Variants in RBBP8NL observed in about 807,000 individuals in gnomAD.
RBBP8NL encodes the protein RBBP8 N-terminal like, also known as RBBP8 N-terminal-like protein.
In RBBP8NL, 59 loss-of-function variants were observed where a neutral mutation model predicts 62.2. The observed-to-expected ratio is 0.95, with a 90% CI of 0.77 to 1.18. RBBP8NL has a LOEUF of 1.18. RBBP8NL is among the 50% of genes most tolerant of loss of function. The probability of loss-of-function intolerance (pLI) is 0.00; values close to 1 mark genes in which losing one functional copy is unlikely to be tolerated. For synonymous variants in RBBP8NL, 412 were observed against 394.1 expected (o/e 1.05, Z -0.54); for missense variants, 896 against 899.5 (o/e 1.00, Z 0.05).
chr20:62,422,159 G>A (rs1399123119), intron 1 of RBBP8NL, among the ~76,000 whole-genome samples: 1 of 152,220 alleles, frequency 6.6e-6, no homozygotes, highest in African/African-American at 2.4e-5. Context: ...CCATGCCCAA[G>A]GCCTCGCCAC....
In RBBP8NL at chr20:62,412,673, C is replaced by G; in HGVS notation, c.1827G>C (p.Gly609=). ...GCTTCCTCTTCCGTGGTGGACCCTG[C>G]CCGTGCTCCTGGGTGCAGATGCACT... ...GPECICTQEH[G]QGPPRKRKRA... Residue 609 remains glycine (G), a synonymous_variant, in exon 13 of 14, where the codon GGG becomes GGC. Coordinates refer to ENST00000252998, the MANE Select transcript of RBBP8NL (RefSeq NM_080833.3). 1.2e-6 allele frequency: 2 copies of G among 1,608,398 alleles called. No homozygotes were observed. The highest frequency in any genetic ancestry group is 1.7e-6 in the Non-Finnish European group (2 of 1,179,926).
chr20:62,423,246 G>A (rs182363122), intron 1 of RBBP8NL, among the ~76,000 whole-genome samples: 150 of 152,296 alleles, frequency 9.8e-4, no homozygotes, highest in African/African-American at 3.4e-3. Context: ...GGAAACTGAG[G>A]CTCAAACAGA....
At position 62,412,729 on chromosome 20, in the gene RBBP8NL, C is replaced by T; in HGVS notation, c.1771G>A (p.Ala591Thr). The stretch of plus-strand genomic sequence containing the variant: ...CCCTCCCCGGTCGTGCTCGTAGTGG[C>T]CTCCGCCTGGGAGCTCAGGCCCACC... ...SEVGLSSQAEATTSTTGEGPE... is the reference protein window; with the variant it reads ...SEVGLSSQAETTTSTTGEGPE... The change falls in exon 13 of 14, where the codon GCC (alanine) becomes ACC (threonine). Residue 591 changes from alanine (A) to threonine (T), a missense_variant. Coordinates refer to ENST00000252998, the MANE Select transcript of RBBP8NL (RefSeq NM_080833.3). 6.2e-7 allele frequency: 1 copy of T among 1,611,716 alleles called. No homozygotes were observed. The highest frequency in any genetic ancestry group is 8.5e-7 in the Non-Finnish European group (1 of 1,179,966).
intron 3 of RBBP8NL, 94 bp from the exon 4 acceptor site, chr20:62,417,413 C>T: frequency 1.0e-6 from 1 of 970,304 alleles, no homozygotes. Context: ...CGCGATTCGG[C>T]ACCTGCAGCC....
intron 2 of RBBP8NL, 99 bp from the exon 3 acceptor site, chr20:62,418,564 C>T (rs1988632230): frequency 8.3e-7 from 1 of 1,206,856 alleles, no homozygotes; most frequent in Admixed American, 2.0e-5. Context: ...ATGTGGCACT[C>T]CTGTCCCCTG....
In RBBP8NL at chr20:62,414,028, G is replaced by C; in HGVS notation, c.1323C>G (p.Pro441=). 1 of 1,589,440 alleles carries C rather than the reference G, an allele frequency of 6.3e-7. No individual in the cohort carries two copies. The highest frequency in any genetic ancestry group is 2.3e-5 in the East Asian group (1 of 43,708). ...AATQDCALDK[P]LDLSEWGRAR... is the part of the protein sequence containing the mutation. ...CCCGGCCCCACTCCGAGAGGTCCAGGGGCTTGTCTAGGGCACAGTCCTGCG... is the reference window on the plus strand; with the variant it reads ...CCCGGCCCCACTCCGAGAGGTCCAGCGGCTTGTCTAGGGCACAGTCCTGCG... The change falls in exon 10 of 14, where the codon CCC becomes CCG. Residue 441 remains proline (P), a synonymous_variant. Transcript: ENST00000252998.
chr20:62,420,375 C>CACACACAT (rs1569026768), intron 1 of RBBP8NL, among the ~76,000 whole-genome samples: 2 of 150,446 alleles, frequency 1.3e-5, no homozygotes, highest in African/African-American at 2.5e-5. Flanking sequence ...CACACACACA[C>CACACACAT]ACACACACAC....
intron 3 of RBBP8NL, 38 bp downstream of exon 3, chr20:62,418,385 G>A (rs1450173610): frequency 1.9e-6 from 3 of 1,543,174 alleles, no homozygotes; most frequent in Non-Finnish European, 2.6e-6. Context: ...TGGCCAGTGT[G>A]GTCCCTGTGA....
At position 62,414,009 on chromosome 20, in the gene RBBP8NL, C is replaced by A; in HGVS notation, c.1342G>T (p.Gly448Cys). The stretch of plus-strand genomic sequence containing the variant: ...GGAGTGTCCTGGCCCCGGGCCCGGC[C>A]CCACTCCGAGAGGTCCAGGGGCTTG... ...LDKPLDLSEW[G>C]RARGQDTPKP... The change falls in exon 10 of 14, where the codon GGC becomes TGC. Residue 448 changes from glycine to cysteine, a missense_variant. Coordinates refer to ENST00000252998, the MANE Select transcript of RBBP8NL (RefSeq NM_080833.3). The A allele has an allele frequency of 6.3e-7, 1 of 1,578,686 alleles. No individual in the cohort carries two copies. The highest frequency in any genetic ancestry group is 8.6e-7 in the Non-Finnish European group (1 of 1,162,794).
chr20:62,412,779 A>C (rs776439066), intron 12 of RBBP8NL, 26 bp from the exon 13 acceptor site: 13 of 1,612,986 alleles, frequency 8.1e-6, no homozygotes, highest in Non-Finnish European at 1.1e-5. Context: ...TGTGGTCACG[A>C]GGAGGACTGC....
intron 11 of RBBP8NL, among the ~76,000 whole-genome samples, chr20:62,413,184 A>C (rs528615419): frequency 6.6e-6 from 1 of 152,316 alleles, no homozygotes; most frequent in African/African-American, 2.4e-5. Context: ...TTTCCCCCTC[A>C]CTGAGTGTTG....
Position 62,416,791 on chromosome 20 carries a change from G to T in RBBP8NL, c.282C>A (p.His94Gln), listed in dbSNP as rs1419536605. ...TGAAGATGCGCTGCAGGTTCTGCAGGTGGGAGCTCTCGAACTCCTGCTGCC... is the reference window on the plus strand; with the variant it reads ...TGAAGATGCGCTGCAGGTTCTGCAGTTGGGAGCTCTCGAACTCCTGCTGCC... ...RKRQQEFESS[H>Q]LQNLQRIFIL... The change falls in exon 5 of 14, where the codon CAC (histidine) becomes CAA (glutamine). Residue 94 changes from histidine (H) to glutamine (Q), a missense_variant. His to Gln is a conservative substitution (Grantham distance 24). Transcript: ENST00000252998. The T allele has an allele frequency of 5.0e-6, 8 of 1,590,748 alleles. No homozygotes were observed. The South Asian group carries it at 9.1e-5, about 18-fold the overall frequency.
chr20:62,424,707 T>C (rs2427331), intron 1 of RBBP8NL, among the ~76,000 whole-genome samples: 44,204 of 151,998 alleles, frequency 0.29, 6,692 homozygotes, highest in South Asian at 0.44. Flanking sequence ...CTGTGGGCCC[T>C]GCCTGTCCCT....
chr20:62,414,894 C>A (rs1370568165), intron 9 of RBBP8NL, among the ~76,000 whole-genome samples: 1 of 152,250 alleles, frequency 6.6e-6, no homozygotes, highest in Non-Finnish European at 1.5e-5. Context: ...ACCCTCCACA[C>A]CCTACTTGTT....
chr20:62,417,001 C>T (rs931957908), intron 4 of RBBP8NL, 129 bp from the exon 5 acceptor site: 2 of 777,762 alleles, frequency 2.6e-6, no homozygotes, highest in African/African-American at 3.5e-5. Flanking sequence ...CCCCAGGCCT[C>T]TTCCCACCCC....
At chr20:62,417,020 G>C (rs1194234795) in intron 4 of RBBP8NL, 148 bp from the exon 5 acceptor site, 1 of 737,000 alleles carries the variant, frequency 1.4e-6, no homozygotes, top group African/African-American at 1.8e-5. Flanking sequence ...CCGTGGGCTA[G>C]GTGTCCCATG....
intron 11 of RBBP8NL, 48 bp downstream of exon 11, chr20:62,413,353 G>T: frequency 7.3e-7 from 1 of 1,378,160 alleles, no homozygotes. Flanking sequence ...CTCTCTCCGT[G>T]GGGAAAACAC....
intron 11 of RBBP8NL, among the ~76,000 whole-genome samples, chr20:62,413,113 C>T (rs879851109): frequency 6.6e-5 from 10 of 152,268 alleles, no homozygotes; most frequent in East Asian, 1.9e-4. Flanking sequence ...CCGCCCCTGG[C>T]TTGGATGCTG....
At chr20:62,416,658 T>C (rs1988573478) in intron 5 of RBBP8NL, 102 bp downstream of exon 5, 1 of 761,866 alleles carries the variant, frequency 1.3e-6, no homozygotes, top group African/African-American at 1.7e-5. Context: ...GTGGGGCCGA[T>C]CGTCCTGCCT....
Sources: gnomAD v4.1 joint callset for allele counts (sites outside exome capture counted in the v4.1 genomes callset) on GRCh38, gnomAD v4.1.1 for gene constraint, MANE v1.5 for transcripts, NCBI Gene and HGNC (gene_info 2026-07-23, HGNC 2026-07-21) for gene names.